Variants in RUNX2 observed in about 807,000 individuals in gnomAD.
The protein encoded by RUNX2 is runt-related transcription factor 2.
RUNX2 carries 10 observed loss-of-function variants against 51.7 expected under a neutral mutation model. The ratio of observed to expected loss-of-function variants is 0.19; its 90% CI spans 0.12 to 0.33. The LOEUF is 0.33. Among genes scored for constraint, RUNX2 ranks in the 10% least tolerant of loss-of-function variants. The pLI, the probability that RUNX2 is intolerant of heterozygous loss-of-function variation, is 1.00. For missense variants in RUNX2, 562 were observed against 691.3 expected, an observed-to-expected ratio of 0.81 and a Z score of 2.10; for synonymous variants, 276 against 273.6, an observed-to-expected ratio of 1.01 and a Z score of -0.09.
intron 2 of RUNX2, among the ~76,000 whole-genome samples, chr6:45,342,633 G>A (rs1178352082): frequency 6.6e-6 from 1 of 151,918 alleles, no homozygotes; most frequent in East Asian, 1.9e-4. Context: ...ATAATATAAG[G>A]TTTACACAGT....
rs781096197 is a variant in RUNX2, at chr6:45,512,375, C to A, written c.989C>A (p.Pro330His). 4 of 1,614,120 alleles carry A rather than the reference C, an allele frequency of 2.5e-6. No homozygotes were observed. The South Asian group carries it at 3.3e-5, about 13-fold the overall frequency. Residue 330 changes from proline (P) to histidine (H), a missense_variant, in exon 7 of 9, where the codon CCT becomes CAT. This residue lies in a region of RUNX2 where 304 missense variants were observed against 353.2 expected (regional missense o/e 0.86). Transcript: ENST00000647337. Reference sequence around the variant, plus strand: ...TCTTCCACACGGGGCACTGGGCTTCCTGCCATCACCGATGTGCCTAGGCGC... The same window carrying A: ...TCTTCCACACGGGGCACTGGGCTTCATGCCATCACCGATGTGCCTAGGCGC... ...PLSSTRGTGL[P>H]AITDVPRRIS...
At position 45,549,687 on chromosome 6, in the gene RUNX2, G is replaced by A. The variant is rs561705802; in HGVS notation, c.*2382G>A. 140 of 265,498 alleles carry A rather than the reference G, an allele frequency of 5.3e-4. 2 individuals carry two copies. The highest frequency in any genetic ancestry group is 1.4e-3 in the South Asian group (8 of 5,870). 16.4% of individuals were successfully genotyped at this position (265,498 alleles called of 1,614,324 possible). On this transcript the variant is annotated 3_prime_UTR_variant, in exon 9 of 9. Coordinates refer to ENST00000647337, the MANE Select transcript of RUNX2 (RefSeq NM_001024630.4). ...AATTAATTGACATAAAAATGCTACC[G>A]CCAGTGCCAGCTGCATCCTATTTAA...
At chr6:45,446,109 C>T (rs544300268) in intron 5 of RUNX2, among the ~76,000 whole-genome samples, 34 of 152,292 alleles carry the variant, frequency 2.2e-4, no homozygotes, top group Non-Finnish European at 4.4e-4. Flanking sequence ...CATGCTGCAG[C>T]AAGGAGCTAT....
chr6:45,378,170 C>A (rs1797089943), intron 2 of RUNX2, among the ~76,000 whole-genome samples: 1 of 152,108 alleles, frequency 6.6e-6, no homozygotes, highest in Non-Finnish European at 1.5e-5. Context: ...CGCTGAGCCA[C>A]GCGGCGGCGT....
chr6:45,489,245 G>A (rs1445843763), intron 5 of RUNX2, among the ~76,000 whole-genome samples: 4 of 152,156 alleles, frequency 2.6e-5, no homozygotes, highest in African/African-American at 7.2e-5. Context: ...ACTTGGAAGT[G>A]TTCTTTGAAG....
intron 3 of RUNX2, among the ~76,000 whole-genome samples, chr6:45,427,750 T>A (rs1798422932): frequency 6.6e-6 from 1 of 152,184 alleles, no homozygotes; most frequent in South Asian, 2.1e-4. Context: ...GCAATTTTAA[T>A]TTCCATATAA....
intron 6 of RUNX2, among the ~76,000 whole-genome samples, chr6:45,503,122 A>G (rs1296082747): frequency 6.6e-6 from 1 of 152,138 alleles, no homozygotes; most frequent in African/African-American, 2.4e-5. Flanking sequence ...CCTGATGCTC[A>G]ATGTGGTTGG....
At chr6:45,341,894 G>A (rs572673532) in intron 2 of RUNX2, among the ~76,000 whole-genome samples, 108 of 152,220 alleles carry the variant, frequency 7.1e-4, no homozygotes, top group African/African-American at 2.6e-3. Flanking sequence ...CTAAAAAGAT[G>A]TATGAAGATA....
At chr6:45,348,735 A>G (rs1791436394) in intron 2 of RUNX2, among the ~76,000 whole-genome samples, 1 of 152,006 alleles carries the variant, frequency 6.6e-6, no homozygotes, top group Non-Finnish European at 1.5e-5. Context: ...TAAATGAAAT[A>G]ATATATAGGA....
intron 2 of RUNX2, chr6:45,371,801 T>C: frequency 1.0e-6 from 1 of 981,188 alleles, no homozygotes; most frequent in Non-Finnish European, 1.2e-6. Flanking sequence ...TATATGCAAA[T>C]TGGTGGGAGG....
intron 6 of RUNX2, among the ~76,000 whole-genome samples, chr6:45,511,153 T>C (rs1338336919): frequency 6.6e-6 from 1 of 152,212 alleles, no homozygotes; most frequent in Non-Finnish European, 1.5e-5. Context: ...AAATACATAC[T>C]TTTTTTGCTT....
At chr6:45,333,722 T>A in intron 2 of RUNX2, among the ~76,000 whole-genome samples, 1 of 151,318 alleles carries the variant, frequency 6.6e-6, no homozygotes, top group East Asian at 1.9e-4. Context: ...AAAACAGGCC[T>A]TTAAAGGCTA....
chr6:45,438,084 TAG>T (rs1328405098), intron 5 of RUNX2, 33 bp downstream of exon 5: 2 of 1,348,190 alleles, frequency 1.5e-6, no homozygotes, highest in South Asian at 1.2e-5. Flanking sequence ...AAGAAAGTAA[TAG>T]AGTTTCCAGA....
intron 3 of RUNX2, among the ~76,000 whole-genome samples, chr6:45,426,603 C>A (rs542244445): frequency 6.9e-4 from 105 of 152,154 alleles, no homozygotes; most frequent in Non-Finnish European, 1.3e-3. Flanking sequence ...AAAAGTAGTT[C>A]AAGTCTATTC....
intron 2 of RUNX2, among the ~76,000 whole-genome samples, chr6:45,412,354 TC>T (rs1165232841): frequency 6.6e-6 from 1 of 151,470 alleles, no homozygotes; most frequent in African/African-American, 2.4e-5. Context: ...AGACCCTGTC[TC>T]AAAAAATAAA....
chr6:45,340,524 A>G (rs1275242847), intron 2 of RUNX2, among the ~76,000 whole-genome samples: 1 of 151,960 alleles, frequency 6.6e-6, no homozygotes, highest in Non-Finnish European at 1.5e-5. Context: ...GGTTTTTGCC[A>G]TGTTGCCCAG....
chr6:45,462,207 A>G (rs775170466), intron 5 of RUNX2, among the ~76,000 whole-genome samples: 6 of 152,250 alleles, frequency 3.9e-5, no homozygotes, highest in Non-Finnish European at 7.3e-5. Flanking sequence ...GCAGTTATTT[A>G]TATCCATATG....
intron 2 of RUNX2, chr6:45,421,230 C>T (rs1159689313): frequency 6.6e-6 from 1 of 152,156 alleles, no homozygotes; most frequent in Admixed American, 6.5e-5. Context: ...GGTTTTGCAA[C>T]TTATTTTAAT....
At chr6:45,429,093 A>C (rs1798465863) in intron 3 of RUNX2, among the ~76,000 whole-genome samples, 1 of 152,214 alleles carries the variant, frequency 6.6e-6, no homozygotes, top group Non-Finnish European at 1.5e-5. Context: ...CTTATATAGT[A>C]TCTTCTACAT....
Sources: allele counts gnomAD v4.1 joint callset (sites outside exome capture counted in the v4.1 genomes callset), GRCh38; gene constraint gnomAD v4.1.1; regional missense constraint gnomAD v4.1.1; transcripts MANE v1.5; gene names NCBI Gene and HGNC (gene_info 2026-07-23, HGNC 2026-07-21).